Variants in MKLN1 observed in about 807,000 individuals in gnomAD.
MKLN1 encodes the protein muskelin 1.
Under a neutral mutation model 99.0 loss-of-function variants are expected in MKLN1, and 18 were observed. The ratio of observed to expected loss-of-function variants is 0.18; its 90% CI spans 0.13 to 0.27. The LOEUF (loss-of-function observed/expected upper bound fraction) is 0.27, where lower values mean the gene tolerates loss of function less well. MKLN1 is among the 10% of genes least tolerant of loss of function. The pLI is 1.00. For synonymous variants in MKLN1, 288 were observed against 293.2 expected, an observed-to-expected ratio of 0.98 and a Z score of 0.18; for missense variants, 621 against 875.9, an observed-to-expected ratio of 0.71 and a Z score of 3.67.
At chr7:131,271,106 T>G (rs1386025382) in intron 3 of MKLN1, among the ~76,000 whole-genome samples, 1 of 152,154 alleles carries the variant, frequency 6.6e-6, no homozygotes, top group Non-Finnish European at 1.5e-5. Context: ...TTGAGGAGAC[T>G]AGCATGTAAA....
At chr7:131,478,150 G>C (rs925622487) in intron 16 of MKLN1, among the ~76,000 whole-genome samples, 18 of 152,140 alleles carry the variant, frequency 1.2e-4, no homozygotes, top group Admixed American at 3.3e-4. Flanking sequence ...TTTAGGAATG[G>C]TCTATACATG....
At chr7:131,361,003 T>G (rs143096127) in intron 1 of MKLN1, among the ~76,000 whole-genome samples, 1 of 152,152 alleles carries the variant, frequency 6.6e-6, no homozygotes, top group African/African-American at 2.4e-5. Flanking sequence ...TAGTTTCTGA[T>G]GAGAAATCCA....
intron 1 of MKLN1, among the ~76,000 whole-genome samples, chr7:131,345,892 T>C (rs1799545437): frequency 6.6e-6 from 1 of 152,156 alleles, no homozygotes; most frequent in African/African-American, 2.4e-5. Context: ...TAATATATTG[T>C]TTTGGTCAAT....
intron 2 of MKLN1, among the ~76,000 whole-genome samples, chr7:131,198,852 T>C (rs1435528691): frequency 1.3e-5 from 2 of 152,120 alleles, no homozygotes; most frequent in Admixed American, 6.6e-5. Context: ...ATCATAAATA[T>C]TAGGGGAATA....
intron 2 of MKLN1, among the ~76,000 whole-genome samples, chr7:131,181,653 C>T (rs1315416443): frequency 2.0e-5 from 3 of 151,246 alleles, no homozygotes; most frequent in Non-Finnish European, 2.9e-5. Context: ...GGTGAAACCT[C>T]ATCCCTATTT....
chr7:131,482,299 A>G (rs984373650), intron 17 of MKLN1, among the ~76,000 whole-genome samples: 9 of 152,108 alleles, frequency 5.9e-5, no homozygotes, highest in African/African-American at 2.2e-4. Flanking sequence ...GGCTCAAGCA[A>G]TCCTTCTGCC....
chr7:131,133,160 C>T (rs1315230193), intron 1 of MKLN1, among the ~76,000 whole-genome samples: 2 of 151,524 alleles, frequency 1.3e-5, no homozygotes, highest in Non-Finnish European at 2.9e-5. Flanking sequence ...TGAGCAGAAG[C>T]TAGATGGCCA....
chr7:131,369,984 G>C (rs1390431791), intron 1 of MKLN1, among the ~76,000 whole-genome samples: 1 of 152,070 alleles, frequency 6.6e-6, no homozygotes, highest in Non-Finnish European at 1.5e-5. Context: ...TTACGGGCAC[G>C]TGCCACCATG....
In MKLN1 at chr7:131,117,432, G is replaced by GAAAAACAAC. The variant is rs1554524738; in HGVS notation, c.-419+7228_-419+7236dup. ...GCGACAGACCGAGACTCCATCTCAGGAAAAACAACAACAACAACAACAACA... is the reference window on the plus strand; with the variant it reads ...GCGACAGACCGAGACTCCATCTCAGGAAAAACAACAAAAACAACAACAACAACAACAACA... On this transcript the variant is annotated intron_variant, in intron 1 of 7. Transcript: ENST00000416992. Among the ~76,000 whole-genome samples, 8 of 68,326 alleles carry GAAAAACAAC rather than the reference G, an allele frequency of 1.2e-4. No individual in the cohort carries two copies. In the East Asian group the frequency reaches 3.8e-3, roughly 33 times the overall value. The allele number at this position is 68,326 out of a possible 152,430, so 44.8% of individuals were successfully genotyped here. A position where few individuals can be genotyped will look rare whatever the true frequency, so the allele number is the denominator to read the frequency against.
Position 131,400,518 on chromosome 7 carries a change from A to AAAAAATAT in MKLN1, c.703+1086_703+1087insAAAATATA, listed in dbSNP as rs527702723. 1.7e-4 allele frequency among the ~76,000 whole-genome samples: 23 copies of AAAAAATAT among 137,432 alleles called. No individual in the cohort carries two copies. In the South Asian group the frequency reaches 1.8e-3, roughly 11 times the overall value. 90.2% of individuals were successfully genotyped at this position (137,432 alleles called of 152,430 possible). A position where few individuals can be genotyped will look rare whatever the true frequency, so the allele number is the denominator to read the frequency against. ...TTTAAAATGCTACCAATAAAAAAAA[A>AAAAAATAT]ATATATATATATATATATATATGCC... On this transcript the variant is annotated intron_variant, in intron 6 of 17. Coordinates refer to ENST00000352689, the MANE Select transcript of MKLN1 (RefSeq NM_013255.5).
chr7:131,481,715 C>T (rs1017559844), intron 17 of MKLN1, among the ~76,000 whole-genome samples: 5 of 150,686 alleles, frequency 3.3e-5, no homozygotes, highest in African/African-American at 1.2e-4. Context: ...AATTTTCTGT[C>T]AGACTGTTCT....
chr7:131,301,005 C>G (rs1409548868), intron 3 of MKLN1, among the ~76,000 whole-genome samples: 1 of 152,196 alleles, frequency 6.6e-6, no homozygotes, highest in Non-Finnish European at 1.5e-5. Context: ...CCTGCCTTTT[C>G]TTATCCTAAG....
At chr7:131,278,772 T>G (rs1167623159) in intron 3 of MKLN1, among the ~76,000 whole-genome samples, 3 of 151,850 alleles carry the variant, frequency 2.0e-5, no homozygotes, top group African/African-American at 7.3e-5. Flanking sequence ...TTTTAAAATT[T>G]AGTTTTTTGT....
At chr7:131,352,965 T>TA (rs1031815327) in intron 1 of MKLN1, among the ~76,000 whole-genome samples, 1 of 152,224 alleles carries the variant, frequency 6.6e-6, no homozygotes, top group African/African-American at 2.4e-5. Flanking sequence ...TACAAACATC[T>TA]ACATGTGTAT....
intron 1 of MKLN1, among the ~76,000 whole-genome samples, chr7:131,348,107 T>C (rs1244938599): frequency 6.6e-6 from 1 of 152,224 alleles, no homozygotes; most frequent in Non-Finnish European, 1.5e-5. Context: ...ACTAAACTGC[T>C]CATGTTCCAT....
chr7:131,487,866 GT>G lies in MKLN1; in HGVS notation c.*143del, dbSNP rs1797327010. On this transcript the variant is annotated 3_prime_UTR_variant, in exon 18 of 18. Transcript: ENST00000352689. The surrounding 1 kb of genome is among the most constrained non-coding windows in gnomAD (Gnocchi z 4.7). ...TCTGAAGGGATCTTAACCATCACAA[GT>G]TTTTACCCTCTTCCTTCATGCCTGA... 2 of 968,604 alleles carry G rather than the reference GT, an allele frequency of 2.1e-6. No homozygotes were observed. The highest frequency in any genetic ancestry group is 1.5e-6 in the Non-Finnish European group (1 of 685,668). 60.0% of individuals were successfully genotyped at this position (968,604 alleles called of 1,614,324 possible).
intron 3 of MKLN1, among the ~76,000 whole-genome samples, chr7:131,205,892 CT>C (rs35341245): frequency 0.19 from 25,720 of 137,408 alleles, 2,346 homozygotes; most frequent in South Asian, 0.3. Flanking sequence ...CTGAGAAAAA[CT>C]TTTTTTTTTT....
At chr7:131,132,807 TC>T (rs1325674820) in intron 1 of MKLN1, among the ~76,000 whole-genome samples, 1 of 150,266 alleles carries the variant, frequency 6.7e-6, no homozygotes, top group African/African-American at 2.5e-5. Flanking sequence ...GCGCCTGTAA[TC>T]CCAGTTACTC....
At chr7:131,313,285 C>T (rs960582432) in intron 3 of MKLN1, among the ~76,000 whole-genome samples, 6 of 152,050 alleles carry the variant, frequency 3.9e-5, no homozygotes, top group African/African-American at 1.2e-4. Context: ...ACCATGTAGA[C>T]AATATATAAA....
Sources: gnomAD v4.1 joint callset for allele counts (sites outside exome capture counted in the v4.1 genomes callset) on GRCh38, gnomAD v4.1.1 for gene constraint, Gnocchi (gnomAD v3.1) non-coding constraint, MANE v1.5 for transcripts, NCBI Gene and HGNC (gene_info 2026-07-23, HGNC 2026-07-21) for gene names.